TBCK: variants seen among roughly 807,000 people sequenced by gnomAD.
TBCK encodes the protein TBC1 domain containing kinase, also known as TBC domain-containing protein kinase-like protein.
Under a neutral mutation model 113.4 loss-of-function variants are expected in TBCK, and 99 were observed. The ratio of observed to expected loss-of-function variants is 0.87; its 90% confidence interval spans 0.74 to 1.03. The LOEUF is 1.03. TBCK is among the 50% of genes least tolerant of loss of function. The pLI, the probability that TBCK is intolerant of heterozygous loss-of-function variation, is 0.00. For missense variants in TBCK, 1,045 were observed against 1,061.3 expected, an observed-to-expected ratio of 0.98 and a Z score of 0.21; for synonymous variants, 369 against 370.8, an observed-to-expected ratio of 1.00 and a Z score of 0.05.
intron 3 of TBCK, among the ~76,000 whole-genome samples, chr4:106,279,068 T>C (rs1248345791): frequency 1.3e-5 from 2 of 152,184 alleles, no homozygotes; most frequent in Non-Finnish European, 2.9e-5. Context: ...GACTAGTTAA[T>C]TTAATGGATA....
chr4:106,145,150 T>C (rs1460016210), intron 23 of TBCK, among the ~76,000 whole-genome samples: 1 of 151,948 alleles, frequency 6.6e-6, no homozygotes, highest in Non-Finnish European at 1.5e-5. Flanking sequence ...AAACCTCGTC[T>C]CTACTAAAAA....
intron 23 of TBCK, among the ~76,000 whole-genome samples, chr4:106,125,264 T>C (rs147431118): frequency 2.0e-5 from 3 of 152,158 alleles, no homozygotes; most frequent in African/African-American, 7.2e-5. Context: ...ATCGAAGAAA[T>C]ATGCACTCCC....
chr4:106,071,054 G>T (rs1737364942), intron 25 of TBCK, among the ~76,000 whole-genome samples: 2 of 152,158 alleles, frequency 1.3e-5, no homozygotes, highest in Non-Finnish European at 2.9e-5. Context: ...ACCAGCTCTT[G>T]GATTCAGTGA....
chr4:106,177,056 T>G lies in TBCK; in HGVS notation c.2060-5786A>C, dbSNP rs1751754615. 2.0e-5 allele frequency among the ~76,000 whole-genome samples: 3 copies of G among 151,714 alleles called. No individual in the cohort carries two copies. In the South Asian group the frequency reaches 6.2e-4, roughly 32 times the overall value. ...CATAGACTATGACCTACGACAAGCC[T>G]GAAACTTCTGGGCTCAAGTGATCTT... On this transcript the variant is annotated intron_variant, in intron 22 of 25. Transcript: ENST00000394708.
intron 22 of TBCK, among the ~76,000 whole-genome samples, chr4:106,174,982 C>T (rs1751475950): frequency 6.6e-6 from 1 of 151,790 alleles, no homozygotes; most frequent in African/African-American, 2.4e-5. Flanking sequence ...CAAAAATTAG[C>T]CAAATGTGGT....
chr4:106,072,594 G>C (rs1737608098), intron 25 of TBCK, among the ~76,000 whole-genome samples: 1 of 152,090 alleles, frequency 6.6e-6, no homozygotes, highest in Admixed American at 6.6e-5. Context: ...TCTTCTCAAG[G>C]AGTATGTTTG....
rs1221856910 is a variant in TBCK, at chr4:106,248,928, A to G, written c.713T>C (p.Ile238Thr). Residue 238 changes from isoleucine to threonine, a missense_variant, in exon 8 of 26, where the codon ATT becomes ACT. Coordinates refer to ENST00000394708, the MANE Select transcript of TBCK (RefSeq NM_001163435.3). Reference protein sequence around the residue: ...VLAEEHGCLDIIKELPETVID... With the variant: ...VLAEEHGCLDTIKELPETVID... ...CCCAGATTAATGACAAACCTTTATA[A>G]TGTCCAAACAACCATGCTCTTCAGC... 3 of 1,606,346 alleles carry G rather than the reference A, an allele frequency of 1.9e-6. No individual in the cohort carries two copies. The highest frequency in any genetic ancestry group is 2.7e-5 in the African/African-American group (2 of 74,406).
chr4:106,272,057 C>T (rs73838190), intron 3 of TBCK, among the ~76,000 whole-genome samples: 2,777 of 152,026 alleles, frequency 0.018, 80 homozygotes, highest in African/African-American at 0.061. Context: ...TCGTAGAAGG[C>T]GAATATAAAT....
intron 25 of TBCK, among the ~76,000 whole-genome samples, chr4:106,055,738 C>A (rs182438728): frequency 7.3e-5 from 11 of 151,438 alleles, no homozygotes; most frequent in African/African-American, 2.4e-4. Context: ...TGGAGACAGT[C>A]AATTTTTATG....
At chr4:106,054,076 A>C (rs1204048413) in intron 25 of TBCK, among the ~76,000 whole-genome samples, 1 of 151,750 alleles carries the variant, frequency 6.6e-6, no homozygotes, top group African/African-American at 2.4e-5. Flanking sequence ...TTTAAAATAT[A>C]AGACAGACAT....
rs147725581 is a variant in TBCK, at chr4:106,264,444, G to A, written c.267-2232C>T. Among the ~76,000 whole-genome samples, 317 of 152,132 alleles carry A rather than the reference G, an allele frequency of 2.1e-3. 1 individual carries two copies. Among genetic ancestry groups the A allele is most frequent in the African/African-American group, 7.3e-3 (302 of 41,544 alleles). On this transcript the variant is annotated intron_variant, in intron 3 of 25. Transcript: ENST00000394708. ...AAAAGTGTATTCAGTGCGTGCAGTA[G>A]AATGAGCAAAGATTAAAGTGACAGG...
chr4:106,195,872 C>T (rs898428124), intron 20 of TBCK, among the ~76,000 whole-genome samples: 5 of 152,020 alleles, frequency 3.3e-5, no homozygotes, highest in South Asian at 2.1e-4. Context: ...GCCAATTACT[C>T]ATAATAAATC....
chr4:106,233,158 C>A, intron 16 of TBCK, 94 bp from the exon 17 acceptor site: 1 of 1,236,490 alleles, frequency 8.1e-7, no homozygotes, highest in South Asian at 1.6e-5. Flanking sequence ...AAAGGAGAAG[C>A]TATAATATGA....
rs115494804 is a variant in TBCK at position 106,139,578 on chromosome 4, A to C, written c.2236-23200T>G. Among the ~76,000 whole-genome samples, 335 of 141,408 alleles carry C rather than the reference A, an allele frequency of 2.4e-3. 39 individuals are homozygous for C. The highest frequency in any genetic ancestry group is 7.8e-3 in the African/African-American group (313 of 40,060). The allele number at this position is 141,408 out of a possible 152,430, so 92.8% of individuals were successfully genotyped here. ...TAGCTACAGAAGCATCAATGTCTACAATGTGTTTAGCTGTGAATACTGCAA... is the reference window on the plus strand; with the variant it reads ...TAGCTACAGAAGCATCAATGTCTACCATGTGTTTAGCTGTGAATACTGCAA... On this transcript the variant is annotated intron_variant, in intron 23 of 25. Coordinates refer to ENST00000394708, the MANE Select transcript of TBCK (RefSeq NM_001163435.3).
chr4:106,079,477 A>T (rs1738609092), intron 25 of TBCK, among the ~76,000 whole-genome samples: 1 of 152,204 alleles, frequency 6.6e-6, no homozygotes, highest in African/African-American at 2.4e-5. Flanking sequence ...CAGGACACAA[A>T]ATAAATGTAC....
chr4:106,212,715 T>A (rs756278293), intron 20 of TBCK, 35 bp downstream of exon 20: 10 of 1,427,552 alleles, frequency 7.0e-6, no homozygotes, highest in Middle Eastern at 1.8e-4. Context: ...TTTTTTTTTT[T>A]AACCACATGT....
At chr4:106,308,585 T>G (rs991766543) in intron 2 of TBCK, among the ~76,000 whole-genome samples, 183 bp downstream of exon 2, 2 of 152,062 alleles carry the variant, frequency 1.3e-5, no homozygotes, top group African/African-American at 4.8e-5. Flanking sequence ...TTTTACCTGG[T>G]AGATTTGCAA....
At chr4:106,187,654 T>A (rs1318034392) in intron 22 of TBCK, among the ~76,000 whole-genome samples, 2 of 152,166 alleles carry the variant, frequency 1.3e-5, no homozygotes, top group Non-Finnish European at 2.9e-5. Flanking sequence ...GACCTTGTGA[T>A]CTGCCCACTT....
intron 3 of TBCK, among the ~76,000 whole-genome samples, chr4:106,280,689 C>T (rs774711138): frequency 6.6e-6 from 1 of 152,106 alleles, no homozygotes; most frequent in African/African-American, 2.4e-5. Flanking sequence ...AAAAGACTTT[C>T]CTGTCCTCAA....
Sources: allele counts gnomAD v4.1 joint callset (sites outside exome capture counted in the v4.1 genomes callset), GRCh38; gene constraint gnomAD v4.1.1; transcripts MANE v1.5; gene names NCBI Gene and HGNC (gene_info 2026-07-23, HGNC 2026-07-21).